The following PHF14 variants were observed in gnomAD, a reference collection of about 807,000 sequenced individuals.
PHF14 encodes the protein PHD finger protein 14.
PHF14 carries 55 observed loss-of-function variants against 117.9 expected under a neutral mutation model. The observed-to-expected ratio is 0.47, with a 90% CI of 0.38 to 0.58. The LOEUF (loss-of-function observed/expected upper bound fraction) is 0.58. Ranked by LOEUF, PHF14 falls within the 20% of genes least tolerant of loss-of-function variation. The probability of loss-of-function intolerance (pLI) is 0.00; values close to 1 mark genes in which losing one functional copy is unlikely to be tolerated. For missense variants in PHF14, 978 were observed against 1,122.2 expected, an observed-to-expected ratio of 0.87 and a Z score of 1.84; for synonymous variants, 409 against 368.6, an observed-to-expected ratio of 1.11 and a Z score of -1.26.
intron 16 of PHF14, among the ~76,000 whole-genome samples, chr7:11,082,951 A>G (rs533985536): frequency 6.6e-5 from 10 of 152,224 alleles, no homozygotes; most frequent in African/African-American, 2.2e-4. Flanking sequence ...CACAGCACCA[A>G]TGGCTTATCA....
intron 17 of PHF14, among the ~76,000 whole-genome samples, chr7:11,124,379 T>G (rs1787859348): frequency 6.6e-6 from 1 of 152,172 alleles, no homozygotes. Context: ...TTACATAATC[T>G]ATTTTTAAGT....
intron 7 of PHF14, among the ~76,000 whole-genome samples, chr7:11,029,518 T>A (rs985661884): frequency 1.3e-5 from 2 of 152,176 alleles, no homozygotes; most frequent in African/African-American, 4.8e-5. Context: ...TAGACATTAG[T>A]ATGTAAAATG....
chr7:11,112,588 G>A (rs1039388265), intron 17 of PHF14, among the ~76,000 whole-genome samples: 4 of 152,012 alleles, frequency 2.6e-5, no homozygotes, highest in Admixed American at 2.6e-4. Flanking sequence ...TGGCCAACAT[G>A]GCGAAACCCC....
At chr7:11,076,427 A>AT (rs112014523) in intron 16 of PHF14, among the ~76,000 whole-genome samples, 1 of 151,794 alleles carries the variant, frequency 6.6e-6, no homozygotes, top group Non-Finnish European at 1.5e-5. Context: ...ATTTAATATT[A>AT]TTTTTTTAAA....
rs79058980 is a variant in PHF14, at chr7:11,085,688, G to A, written c.2654+23603G>A. 6.0e-3 allele frequency among the ~76,000 whole-genome samples: 907 copies of A among 151,996 alleles called. 7 individuals are homozygous for A. Among genetic ancestry groups the A allele is most frequent in the African/African-American group, 0.021 (865 of 41,434 alleles). ...AGACAGTGTCTCACTGTGTTACCCA[G>A]GCTGGAGTGCGGGAACTGCAGGTGT... On this transcript the variant is annotated intron_variant, in intron 16 of 17. Coordinates refer to ENST00000634607, the MANE Select transcript of PHF14 (RefSeq NM_001007157.2).
chr7:11,149,219 A>G (rs1788638865), intron 17 of PHF14, among the ~76,000 whole-genome samples: 1 of 152,138 alleles, frequency 6.6e-6, no homozygotes, highest in Non-Finnish European at 1.5e-5. Context: ...AGATGTATTC[A>G]TAGGATGCAC....
rs992747294 is a variant in PHF14, at chr7:11,134,743, A to G, written c.2772+23276A>G. On this transcript the variant is annotated intron_variant, in intron 17 of 17. Coordinates refer to ENST00000634607, the MANE Select transcript of PHF14 (RefSeq NM_001007157.2). Reference sequence around the variant, plus strand: ...CTTCAGAAATTATCGTAATCTTGTCATTAAATCTGTTCAGTACTTAAAAAC... The same window carrying G: ...CTTCAGAAATTATCGTAATCTTGTCGTTAAATCTGTTCAGTACTTAAAAAC... Among the ~76,000 whole-genome samples, 4 of 152,242 alleles carry G rather than the reference A, an allele frequency of 2.6e-5. No homozygotes were observed. The East Asian group carries it at 7.7e-4, about 29-fold the overall frequency.
chr7:11,092,426 T>C (rs1786673469), intron 16 of PHF14, among the ~76,000 whole-genome samples: 1 of 152,196 alleles, frequency 6.6e-6, no homozygotes, highest in Non-Finnish European at 1.5e-5. Flanking sequence ...AATCACTGCC[T>C]TATGCATAAA....
At chr7:10,983,577 T>C (rs1458936015) in intron 3 of PHF14, among the ~76,000 whole-genome samples, 1 of 152,108 alleles carries the variant, frequency 6.6e-6, no homozygotes, top group Non-Finnish European at 1.5e-5. Context: ...GCCTTTAGAA[T>C]ACCTTAGAGC....
At chr7:11,111,719 T>A (rs889231463) in intron 17 of PHF14, among the ~76,000 whole-genome samples, 4 of 152,084 alleles carry the variant, frequency 2.6e-5, no homozygotes, top group African/African-American at 9.7e-5. Context: ...TTGTAACATA[T>A]TAAATAGTGC....
At chr7:11,002,288 G>A (rs1782903844) in intron 4 of PHF14, among the ~76,000 whole-genome samples, 1 of 152,102 alleles carries the variant, frequency 6.6e-6, no homozygotes, top group African/African-American at 2.4e-5. Context: ...AAGGAACTCT[G>A]CAATGTGGAC....
intron 16 of PHF14, chr7:11,111,117 A>G (rs564930806): frequency 3.0e-5 from 12 of 395,202 alleles, no homozygotes; most frequent in Middle Eastern, 6.8e-4. Context: ...TGTTCTAAAT[A>G]TTTGTTTTGT....
chr7:11,066,077 C>T (rs1785415435), intron 16 of PHF14, among the ~76,000 whole-genome samples: 1 of 152,122 alleles, frequency 6.6e-6, no homozygotes, highest in Admixed American at 6.5e-5. Flanking sequence ...ATTTTGATTA[C>T]AAGGGTAGGG....
At chr7:11,163,632 T>C (rs1583515790) in intron 17 of PHF14, among the ~76,000 whole-genome samples, 1 of 152,204 alleles carries the variant, frequency 6.6e-6, no homozygotes, top group South Asian at 2.1e-4. Flanking sequence ...GGTGGAATTG[T>C]AAAACGTTAA....
chr7:11,046,033 A>G (rs540250249), intron 13 of PHF14, among the ~76,000 whole-genome samples: 1 of 152,322 alleles, frequency 6.6e-6, no homozygotes. Flanking sequence ...AAAGCTAGTA[A>G]AGAATATTAT....
At chr7:11,019,414 C>T (rs561251392) in intron 5 of PHF14, among the ~76,000 whole-genome samples, 4 of 152,228 alleles carry the variant, frequency 2.6e-5, no homozygotes, top group African/African-American at 7.2e-5. Flanking sequence ...GCTTCAATCT[C>T]GTTACTTGTT....
chr7:11,046,377 G>C (rs1044202786), intron 13 of PHF14, among the ~76,000 whole-genome samples: 1 of 152,090 alleles, frequency 6.6e-6, no homozygotes, highest in African/African-American at 2.4e-5. Context: ...ATTGTTTGAA[G>C]AATATTCTGA....
At chr7:11,075,194 C>T (rs530601816) in intron 16 of PHF14, among the ~76,000 whole-genome samples, 114 of 152,246 alleles carry the variant, frequency 7.5e-4, no homozygotes, top group African/African-American at 2.5e-3. Context: ...CTGCCTCATC[C>T]TCCCAAAGTG....
In PHF14 at chr7:10,974,148, G is replaced by A; in HGVS notation, c.-176G>A. The A allele has an allele frequency of 1.6e-6, 1 of 621,598 alleles. No individual in the cohort carries two copies. Among genetic ancestry groups the A allele is most frequent in the Admixed American group, 2.4e-5 (1 of 41,582 alleles). 38.5% of individuals were successfully genotyped at this position (621,598 alleles called of 1,614,324 possible). On this transcript the variant is annotated 5_prime_UTR_variant, in exon 1 of 18. Transcript: ENST00000634607. ...GCCAGGCGAGGCCGGGGGGGCGGGG[G>A]GTTAGGGGACCGCGGGGCTACTCTT... is the stretch of plus-strand genomic sequence containing the variant.
Sources: allele counts gnomAD v4.1 joint callset (sites outside exome capture counted in the v4.1 genomes callset), GRCh38; gene constraint gnomAD v4.1.1; transcripts MANE v1.5; gene names NCBI Gene and HGNC (gene_info 2026-07-23, HGNC 2026-07-21).